SORCS3: variants seen among roughly 807,000 people sequenced by gnomAD.
SORCS3 encodes sortilin related VPS10 domain containing receptor 3, also known as VPS10 domain-containing receptor SorCS3.
In SORCS3, 57 loss-of-function variants were observed where a neutral mutation model predicts 146.3. That is an observed-to-expected ratio of 0.39 (90% confidence interval 0.31 to 0.49). SORCS3 has a LOEUF of 0.49. SORCS3 is among the 20% of genes least tolerant of loss of function. The probability of loss-of-function intolerance (pLI) is 0.92; values close to 1 mark genes in which losing one functional copy is unlikely to be tolerated. For synonymous variants in SORCS3, 653 were observed against 618.5 expected, an observed-to-expected ratio of 1.06 and a Z score of -0.83; for missense variants, 1,341 against 1,575.5, an observed-to-expected ratio of 0.85 and a Z score of 2.52.
chr10:105,188,152 G>C (rs747474337), intron 14 of SORCS3, among the ~76,000 whole-genome samples: 12 of 152,122 alleles, frequency 7.9e-5, no homozygotes, highest in Non-Finnish European at 1.6e-4. Flanking sequence ...TGCCTAGCCT[G>C]AGAAAGAATA....
intron 11 of SORCS3, among the ~76,000 whole-genome samples, chr10:105,161,413 T>C (rs1352923736): frequency 6.6e-6 from 1 of 152,122 alleles, no homozygotes; most frequent in Non-Finnish European, 1.5e-5. Context: ...GCCTTCCACC[T>C]GCCCTTCAGG....
At chr10:105,177,084 G>A (rs545151786) in intron 13 of SORCS3, among the ~76,000 whole-genome samples, 3 of 151,846 alleles carry the variant, frequency 2.0e-5, no homozygotes, top group East Asian at 1.9e-4. Flanking sequence ...CTCTGAACTC[G>A]CAGAGTTTAT....
intron 1 of SORCS3, among the ~76,000 whole-genome samples, chr10:104,716,003 C>T (rs1180463280): frequency 1.3e-5 from 2 of 152,212 alleles, no homozygotes; most frequent in Non-Finnish European, 2.9e-5. Context: ...TTACAGGAGT[C>T]TCCTTGCTGC....
chr10:105,219,379 G>T (rs1231709853), intron 19 of SORCS3, among the ~76,000 whole-genome samples: 1 of 152,164 alleles, frequency 6.6e-6, no homozygotes, highest in Non-Finnish European at 1.5e-5. Context: ...GAGACTCAGT[G>T]CCCATAGTTT....
At chr10:105,139,952 A>G (rs1343639951) in intron 8 of SORCS3, among the ~76,000 whole-genome samples, 1 of 152,194 alleles carries the variant, frequency 6.6e-6, no homozygotes, top group Non-Finnish European at 1.5e-5. Flanking sequence ...CCCTGCCACC[A>G]TGAGTAATTA....
Position 104,686,192 on chromosome 10 carries a change from G to A in SORCS3, c.627+44238G>A, listed in dbSNP as rs139439935. ...AAGGTCAGGTTGGAGGGTATGGCCT[G>A]TTCTTTGGAAGTGAGGCTCTGAGCA... On this transcript the variant is annotated intron_variant, in intron 1 of 26. Transcript: ENST00000369701. Among the ~76,000 whole-genome samples, 206 of 152,314 alleles carry A rather than the reference G, an allele frequency of 1.4e-3. 1 individual carries two copies. The highest frequency in any genetic ancestry group is 6.8e-3 in the Middle Eastern group (2 of 294).
At chr10:105,167,982 A>G (rs1321723756) in intron 13 of SORCS3, among the ~76,000 whole-genome samples, 1 of 152,180 alleles carries the variant, frequency 6.6e-6, no homozygotes, top group Non-Finnish European at 1.5e-5. Context: ...TGGCCAAAAT[A>G]TAGAAACTAA....
chr10:104,764,744 A>G (rs1223973344), intron 1 of SORCS3, among the ~76,000 whole-genome samples: 1 of 152,228 alleles, frequency 6.6e-6, no homozygotes, highest in African/African-American at 2.4e-5. Flanking sequence ...TTCACCCAGC[A>G]GGCTCTAGGA....
intron 1 of SORCS3, among the ~76,000 whole-genome samples, chr10:104,670,566 C>T (rs1309677890): frequency 6.6e-6 from 1 of 152,128 alleles, no homozygotes; most frequent in African/African-American, 2.4e-5. Flanking sequence ...TAGTGCCACA[C>T]TGTTTTGATT....
At chr10:105,028,676 T>A (rs185569216) in intron 4 of SORCS3, among the ~76,000 whole-genome samples, 1 of 152,344 alleles carries the variant, frequency 6.6e-6, no homozygotes, top group Admixed American at 6.5e-5. Flanking sequence ...ATGAGGATAA[T>A]CAAACGTCCT....
intron 4 of SORCS3, among the ~76,000 whole-genome samples, chr10:105,033,204 G>C (rs930656792): frequency 6.6e-6 from 1 of 152,208 alleles, no homozygotes; most frequent in African/African-American, 2.4e-5. Flanking sequence ...AAGGTACACT[G>C]CCATTCATGC....
chr10:104,737,779 A>G (rs1171514032), intron 1 of SORCS3, among the ~76,000 whole-genome samples: 1 of 150,908 alleles, frequency 6.6e-6, no homozygotes, highest in Non-Finnish European at 1.5e-5. Context: ...CTTGAGTTTA[A>G]TTAGATCCCA....
chr10:104,862,683 A>G (rs2018417774), intron 2 of SORCS3, among the ~76,000 whole-genome samples: 1 of 152,266 alleles, frequency 6.6e-6, no homozygotes, highest in Non-Finnish European at 1.5e-5. Context: ...TAATGTGTAA[A>G]CTGAATTGTA....
At chr10:104,679,002 T>A (rs1356311931) in intron 1 of SORCS3, among the ~76,000 whole-genome samples, 1 of 152,168 alleles carries the variant, frequency 6.6e-6, no homozygotes, top group Non-Finnish European at 1.5e-5. Flanking sequence ...GTTCTAAACA[T>A]TTGAAGGGCT....
At chr10:104,848,496 C>T (rs964829379) in intron 2 of SORCS3, among the ~76,000 whole-genome samples, 2 of 152,168 alleles carry the variant, frequency 1.3e-5, no homozygotes, top group African/African-American at 2.4e-5. Flanking sequence ...CACCCCAATT[C>T]CTTGGTGGAA....
intron 1 of SORCS3, among the ~76,000 whole-genome samples, chr10:104,688,540 G>C (rs543128635): frequency 1.3e-5 from 2 of 152,334 alleles, no homozygotes; most frequent in Non-Finnish European, 2.9e-5. Context: ...TTTTCTTCTT[G>C]AAAGAAGCAG....
At chr10:105,186,174 CATT>C (rs1464868670) in intron 14 of SORCS3, among the ~76,000 whole-genome samples, 10 of 152,128 alleles carry the variant, frequency 6.6e-5, no homozygotes, top group Admixed American at 6.6e-4. Flanking sequence ...GGTGAATTGA[CATT>C]ATCACAAATA....
intron 6 of SORCS3, among the ~76,000 whole-genome samples, chr10:105,096,847 T>C (rs2055750119): frequency 6.6e-6 from 1 of 152,180 alleles, no homozygotes; most frequent in Non-Finnish European, 1.5e-5. Flanking sequence ...GTTTCAAATA[T>C]TTATTATACT....
At chr10:104,788,878 T>C (rs2017466411) in intron 1 of SORCS3, among the ~76,000 whole-genome samples, 1 of 152,198 alleles carries the variant, frequency 6.6e-6, no homozygotes. Context: ...CCTTCATTTA[T>C]GGGGATGAAT....
Sources: gnomAD v4.1 joint callset for allele counts (sites outside exome capture counted in the v4.1 genomes callset) on GRCh38, gnomAD v4.1.1 for gene constraint, MANE v1.5 for transcripts, NCBI Gene and HGNC (gene_info 2026-07-23, HGNC 2026-07-21) for gene names.